ECE1: variants seen among roughly 807,000 people sequenced by gnomAD.
ECE1 encodes endothelin-converting enzyme 1.
Under a neutral mutation model 98.6 loss-of-function variants are expected in ECE1, and 35 were observed. The observed-to-expected ratio is 0.35, with a 90% CI of 0.27 to 0.47. The LOEUF (loss-of-function observed/expected upper bound fraction) is 0.47. Among genes scored for constraint, ECE1 ranks in the 20% least tolerant of loss-of-function variants. ECE1 has a pLI of 1.00. For missense variants in ECE1, 814 were observed against 1,025.3 expected (o/e 0.79, Z 2.81); for synonymous variants, 394 against 407.1 (o/e 0.97, Z 0.39).
chr1:21,255,417 T>C (rs913335267), intron 8 of ECE1, among the ~76,000 whole-genome samples: 1 of 152,218 alleles, frequency 6.6e-6, no homozygotes, highest in Non-Finnish European at 1.5e-5. Flanking sequence ...GCTGAGCCCT[T>C]GGACGTTGGG....
At chr1:21,318,856 CG>C (rs780190053) in intron 1 of ECE1, among the ~76,000 whole-genome samples, 23 of 152,156 alleles carry the variant, frequency 1.5e-4, no homozygotes, top group Admixed American at 1.5e-3. Context: ...GCACTTCTGT[CG>C]GGGGAGACGC....
chr1:21,285,990 C>CAAAA (rs3061092), intron 2 of ECE1, among the ~76,000 whole-genome samples: 2 of 68,904 alleles, frequency 2.9e-5, no homozygotes, highest in Non-Finnish European at 5.6e-5. Context: ...GACTCTGTCT[C>CAAAA]AAAAAAAAAA....
intron 2 of ECE1, among the ~76,000 whole-genome samples, chr1:21,286,426 G>A (rs936519885): frequency 1.3e-5 from 2 of 152,160 alleles, no homozygotes; most frequent in Admixed American, 1.3e-4. Context: ...CTGTCCCACT[G>A]AGCCTTTGCA....
rs550640315 is a variant in ECE1 at position 21,279,314 on chromosome 1, G to C, written c.157C>G (p.Arg53Gly). Residue 53 changes from arginine (R) to glycine (G), a missense_variant, in exon 3 of 19, where the codon CGG becomes GGG. Physicochemically the swap from Arg to Gly is moderately radical, Grantham distance 125. Transcript: ENST00000374893. ...NGLQVNFHSP[R>G]SGQRCWAART... ...GCAGCCCAGCACCTCTGGCCACTCC[G>C]GGGGCTGTGGAAGTTCACCTGCAGG... 8.7e-6 allele frequency: 14 copies of C among 1,614,056 alleles called. No homozygotes were observed. In the East Asian group the frequency reaches 2.7e-4, roughly 31 times the overall value.
chr1:21,266,686 A>G (rs1279022507), intron 4 of ECE1: 1 of 152,256 alleles, frequency 6.6e-6, no homozygotes, highest in Admixed American at 6.5e-5. Context: ...TGAGATGGGC[A>G]TAGGCATGGC....
At chr1:21,344,579 C>T (rs566065659) in intron 1 of ECE1, among the ~76,000 whole-genome samples, 3 of 152,194 alleles carry the variant, frequency 2.0e-5, no homozygotes, top group African/African-American at 4.8e-5. Context: ...ACAGCCCCCC[C>T]CCAGGAAGCC....
intron 10 of ECE1, 136 bp downstream of exon 10, chr1:21,244,853 T>G: frequency 1.2e-6 from 1 of 801,072 alleles, no homozygotes; most frequent in Non-Finnish European, 2.1e-6. Flanking sequence ...CTTTACCCTT[T>G]ACTTGGCATA....
At chr1:21,304,336 A>G (rs1437148013) in intron 1 of ECE1, among the ~76,000 whole-genome samples, 3 of 149,804 alleles carry the variant, frequency 2.0e-5, no homozygotes, top group Non-Finnish European at 4.4e-5. Context: ...AAAAAAAAAA[A>G]AAAAAAAGAT....
intron 2 of ECE1, among the ~76,000 whole-genome samples, chr1:21,280,641 A>T (rs925266384): frequency 3.3e-5 from 5 of 152,170 alleles, no homozygotes; most frequent in Admixed American, 1.3e-4. Flanking sequence ...GTCAGGGAAG[A>T]TGAGGAGACT....
At chr1:21,309,346 C>A (rs1451860076) in intron 1 of ECE1, among the ~76,000 whole-genome samples, 2 of 152,214 alleles carry the variant, frequency 1.3e-5, no homozygotes, top group South Asian at 2.1e-4. Flanking sequence ...AGTTACTTAA[C>A]CTCTCTGTGC....
In ECE1 at chr1:21,258,942, G is replaced by C; in HGVS notation, c.616-103C>G. On this transcript the variant is annotated intron_variant, in intron 5 of 18. Coordinates refer to ENST00000374893, the MANE Select transcript of ECE1 (RefSeq NM_001397.3). The surrounding 1 kb of genome is among the most constrained non-coding windows in gnomAD (Gnocchi z 4.2). ...CTTGCTCTGTGACCCTGGAGCAGTC[G>C]CCTGACCTCTCTGAGCCTCAAGAGC... 1 of 1,483,092 alleles carries C rather than the reference G, an allele frequency of 6.7e-7. No individual in the cohort carries two copies. Among genetic ancestry groups the C allele is most frequent in the Non-Finnish European group, 9.2e-7 (1 of 1,087,812 alleles). 91.9% of individuals were successfully genotyped at this position (1,483,092 alleles called of 1,614,324 possible). A position where few individuals can be genotyped will look rare whatever the true frequency, so the allele number is the denominator to read the frequency against.
intron 1 of ECE1, among the ~76,000 whole-genome samples, chr1:21,334,650 T>G (rs188156746): frequency 1.1e-4 from 16 of 152,140 alleles, no homozygotes; most frequent in Non-Finnish European, 2.4e-4. Context: ...TCTGGGAGAA[T>G]CCCAAGCCCA....
At chr1:21,329,106 G>A (rs1322639064) in intron 1 of ECE1, among the ~76,000 whole-genome samples, 1 of 152,186 alleles carries the variant, frequency 6.6e-6, no homozygotes, top group African/African-American at 2.4e-5. Flanking sequence ...GAGAAGACAT[G>A]TAATAAATTA....
chr1:21,221,742 C>T lies in ECE1; in HGVS notation c.2136+5G>A. 1.2e-6 allele frequency: 2 copies of T among 1,613,942 alleles called. No individual in the cohort carries two copies. Among genetic ancestry groups the T allele is most frequent in the Non-Finnish European group, 1.7e-6 (2 of 1,179,806 alleles). On this transcript the variant is annotated splice_donor_5th_base_variant and intron_variant, in intron 18 of 18. Coordinates refer to ENST00000374893, the MANE Select transcript of ECE1 (RefSeq NM_001397.3). ...ATGTGTGGCATGTTTTCCTAATGGA[C>T]TCACCTGTGCAAAGCCCAGGAAGAA...
At chr1:21,294,760 G>A (rs1016090309), upstream of ECE1, among the ~76,000 whole-genome samples, 2 of 152,170 alleles carry the variant, frequency 1.3e-5, no homozygotes, top group Non-Finnish European at 2.9e-5. The surrounding 1 kb of genome is among the most constrained non-coding windows in gnomAD (Gnocchi z 4.2). Context: ...GCGGGGGATT[G>A]TTAAGTCATC....
Position 21,257,441 on chromosome 1 carries a change from A to C in ECE1, c.828+84T>G, listed in dbSNP as rs1157234497. On this transcript the variant is annotated intron_variant, in intron 7 of 18. Transcript: ENST00000374893. The stretch of plus-strand genomic sequence containing the variant: ...GACACCCCTGGGCTCCCCTAGCTTC[A>C]AAGACCTGCACAGGTGTGGGTGTGG... 49 of 1,509,782 alleles carry C rather than the reference A, an allele frequency of 3.2e-5. No individual in the cohort carries two copies. The Middle Eastern group carries it at 5.1e-4, about 16-fold the overall frequency. 93.5% of individuals were successfully genotyped at this position (1,509,782 alleles called of 1,614,324 possible). A position where few individuals can be genotyped will look rare whatever the true frequency, so the allele number is the denominator to read the frequency against.
intron 9 of ECE1, among the ~76,000 whole-genome samples, chr1:21,246,924 T>C (rs916452225): frequency 1.3e-5 from 2 of 152,224 alleles, no homozygotes; most frequent in African/African-American, 4.8e-5. Context: ...CTCCCAAAAG[T>C]CCCGCAATTA....
At chr1:21,241,623 G>A (rs1044598409) in intron 10 of ECE1, among the ~76,000 whole-genome samples, 6 of 151,812 alleles carry the variant, frequency 4.0e-5, no homozygotes, top group Non-Finnish European at 5.9e-5. Flanking sequence ...GGCTTTTGCC[G>A]TGTTGGCCAG....
intron 16 of ECE1, among the ~76,000 whole-genome samples, chr1:21,226,294 T>A (rs1225523622): frequency 6.6e-6 from 1 of 152,028 alleles, no homozygotes; most frequent in Non-Finnish European, 1.5e-5. Flanking sequence ...CGGGACAACT[T>A]CCACGAGCAG....
Sources: gnomAD v4.1 joint callset for allele counts (sites outside exome capture counted in the v4.1 genomes callset) on GRCh38, gnomAD v4.1.1 for gene constraint, Gnocchi (gnomAD v3.1) non-coding constraint, MANE v1.5 for transcripts, NCBI Gene and HGNC (gene_info 2026-07-23, HGNC 2026-07-21) for gene names.